Variants in OLFM3 observed in about 807,000 individuals in gnomAD.
OLFM3 encodes noelin-3.
OLFM3 carries 20 observed loss-of-function variants against 48.6 expected under a neutral mutation model. The ratio of observed to expected loss-of-function variants is 0.41; its 90% CI spans 0.29 to 0.60. The LOEUF (loss-of-function observed/expected upper bound fraction) is 0.60, where lower values mean the gene tolerates loss of function less well. OLFM3 is among the 20% of genes least tolerant of loss of function. OLFM3 has a pLI of 0.28. For synonymous variants in OLFM3, 222 were observed against 198.1 expected (o/e 1.12, Z -1.01); for missense variants, 437 against 544.3 (o/e 0.80, Z 1.96).
At chr1:101,968,514 C>A (rs762370701) in intron 1 of OLFM3, among the ~76,000 whole-genome samples, 2 of 126,104 alleles carry the variant, frequency 1.6e-5, no homozygotes. Context: ...TGAAAAAGAA[C>A]TTCCTCTCTT....
intron 1 of OLFM3, among the ~76,000 whole-genome samples, chr1:101,850,438 A>C (rs189816802): frequency 6.6e-6 from 1 of 152,276 alleles, no homozygotes; most frequent in East Asian, 1.9e-4. Context: ...AATGACTCAT[A>C]GGTAATTTAT....
chr1:101,895,412 T>TACACACACACAC (rs35047632), intron 1 of OLFM3, among the ~76,000 whole-genome samples: 84 of 144,204 alleles, frequency 5.8e-4, no homozygotes, highest in African/African-American at 2.0e-3. Flanking sequence ...AGCTCAAGAA[T>TACACACACACAC]ACACACACAC....
chr1:101,912,129 G>A (rs543159822), intron 1 of OLFM3, among the ~76,000 whole-genome samples: 1 of 152,214 alleles, frequency 6.6e-6, no homozygotes, highest in Admixed American at 6.5e-5. Context: ...GAGCTGTGCT[G>A]GTATAACCTG....
chr1:101,839,543 T>C (rs1476803121), intron 1 of OLFM3, among the ~76,000 whole-genome samples: 2 of 152,210 alleles, frequency 1.3e-5, no homozygotes, highest in Admixed American at 1.3e-4. Flanking sequence ...GGCTTGTCAC[T>C]AGGATAAATT....
At chr1:101,902,244 A>C (rs944580788) in intron 1 of OLFM3, among the ~76,000 whole-genome samples, 14 of 152,084 alleles carry the variant, frequency 9.2e-5, no homozygotes, top group African/African-American at 1.4e-4. Flanking sequence ...GAATAATTTC[A>C]AAACAATATT....
chr1:101,843,561 T>A (rs2100936521), intron 1 of OLFM3, among the ~76,000 whole-genome samples: 2 of 152,218 alleles, frequency 1.3e-5, no homozygotes, highest in East Asian at 3.9e-4. Flanking sequence ...ACAAGAAGGA[T>A]AAAGGAATGT....
intron 4 of OLFM3, chr1:101,812,394 C>T (rs894510959): frequency 1.0e-6 from 1 of 983,898 alleles, no homozygotes; most frequent in Non-Finnish European, 1.2e-6. Flanking sequence ...GAAACTGCCT[C>T]CTATGGTATA....
intron 1 of OLFM3, among the ~76,000 whole-genome samples, chr1:101,870,587 G>A (rs1657040895): frequency 6.6e-6 from 1 of 152,004 alleles, no homozygotes; most frequent in Non-Finnish European, 1.5e-5. Flanking sequence ...TAATGCCTCT[G>A]TACCCTTAGA....
intron 1 of OLFM3, among the ~76,000 whole-genome samples, chr1:101,887,191 A>G (rs1055227395): frequency 3.3e-5 from 5 of 151,882 alleles, no homozygotes; most frequent in African/African-American, 1.2e-4. Context: ...ACAAAAAGCC[A>G]TGAATCAAAA....
chr1:101,904,317 G>T (rs1020928390), intron 1 of OLFM3, among the ~76,000 whole-genome samples: 1 of 152,068 alleles, frequency 6.6e-6, no homozygotes, highest in East Asian at 1.9e-4. Flanking sequence ...ATCATGTCAG[G>T]CAGGAGGAAA....
At chr1:101,924,383 G>A (rs1031101961) in intron 1 of OLFM3, among the ~76,000 whole-genome samples, 26 of 151,876 alleles carry the variant, frequency 1.7e-4, no homozygotes, top group Admixed American at 3.3e-4. Flanking sequence ...CTTTTGTTTC[G>A]ACATTGAATC....
chr1:101,804,029 T>C lies in OLFM3; in HGVS notation c.*209A>G, dbSNP rs779946668. On this transcript the variant is annotated 3_prime_UTR_variant, in exon 6 of 6. Coordinates refer to ENST00000370103, the MANE Select transcript of OLFM3 (RefSeq NM_058170.4). This position sits in a 1 kb window ranked among gnomAD's most constrained non-coding sequence, Gnocchi z 4.5. ...AGTGCTTTTCATGACAAGGACATGA[T>C]AGGCCTTGTAAATTTAGAAGTTAAG... 5 of 433,704 alleles carry C rather than the reference T, an allele frequency of 1.2e-5. No homozygotes were observed. The highest frequency in any genetic ancestry group is 3.8e-5 in the East Asian group (1 of 26,570). 26.9% of individuals were successfully genotyped at this position (433,704 alleles called of 1,614,324 possible).
In OLFM3 at chr1:101,804,493, T is replaced by G; in HGVS notation, c.1122A>C (p.Ala374=). ...TCCCACAGATCATGAAAGATTCCCC[T>G]GCACTTCTCTTGGGGTAGCCAGTGC... ...SWSTGYPKRS[A]GESFMICGTL... The change falls in exon 6 of 6, where the codon GCA becomes GCC. Residue 374 remains alanine, a synonymous_variant. Transcript: ENST00000370103. This position sits in a 1 kb window ranked among gnomAD's most constrained non-coding sequence, Gnocchi z 4.5. 1 of 1,612,676 alleles carries G rather than the reference T, an allele frequency of 6.2e-7. No individual in the cohort carries two copies. Among genetic ancestry groups the G allele is most frequent in the Non-Finnish European group, 8.5e-7 (1 of 1,179,108 alleles).
intron 1 of OLFM3, among the ~76,000 whole-genome samples, chr1:101,956,086 G>T (rs953498952): frequency 6.7e-5 from 7 of 105,082 alleles, no homozygotes; most frequent in African/African-American, 1.2e-4. Context: ...ACAATAACAG[G>T]TTTTTTTTTT....
At chr1:101,942,859 G>C (rs1173460088) in intron 1 of OLFM3, among the ~76,000 whole-genome samples, 1 of 152,142 alleles carries the variant, frequency 6.6e-6, no homozygotes, top group East Asian at 1.9e-4. Flanking sequence ...ATGACCTTTA[G>C]CCTTTTAGCA....
At chr1:101,881,955 A>G (rs1467625153) in intron 1 of OLFM3, among the ~76,000 whole-genome samples, 1 of 151,662 alleles carries the variant, frequency 6.6e-6, no homozygotes, top group African/African-American at 2.4e-5. Context: ...TGTACTTTGT[A>G]TTAATATATT....
At chr1:101,968,997 C>T (rs1383990886) in intron 1 of OLFM3, among the ~76,000 whole-genome samples, 5 of 152,220 alleles carry the variant, frequency 3.3e-5, no homozygotes, top group African/African-American at 4.8e-5. Context: ...CCTATCTCTA[C>T]TTCAATGTTT....
At position 101,825,096 on chromosome 1, in the gene OLFM3, A is replaced by G; in HGVS notation, c.522T>C (p.Tyr174=). 1 of 1,613,978 alleles carries G rather than the reference A, an allele frequency of 6.2e-7. No homozygotes were observed. The highest frequency in any genetic ancestry group is 2.2e-5 in the East Asian group (1 of 44,884). The change falls in exon 4 of 6, where the codon TAT becomes TAC. Residue 174 remains tyrosine, a synonymous_variant. Coordinates refer to ENST00000370103, the MANE Select transcript of OLFM3 (RefSeq NM_058170.4). ...CTCTTTGGTGTAGTTCCTCGTAGTC[A>G]TAGGCACCAATTTCCTCCTGAATAC... ...LTGIQEEIGA[Y]DYEELHQRVL... is the part of the protein sequence containing the mutation.
intron 3 of OLFM3, among the ~76,000 whole-genome samples, chr1:101,827,410 C>A (rs575699528): frequency 6.6e-6 from 1 of 152,144 alleles, no homozygotes; most frequent in Non-Finnish European, 1.5e-5. Flanking sequence ...AACTCCACCT[C>A]CCGGGTTCAC....
Sources: allele counts gnomAD v4.1 joint callset (sites outside exome capture counted in the v4.1 genomes callset), GRCh38; gene constraint gnomAD v4.1.1; non-coding constraint Gnocchi (gnomAD v3.1); transcripts MANE v1.5; gene names NCBI Gene and HGNC (gene_info 2026-07-23, HGNC 2026-07-21).